EVPL: variants seen among roughly 807,000 people sequenced by gnomAD.
EVPL encodes the protein envoplakin.
In EVPL, 94 loss-of-function variants were observed where a neutral mutation model predicts 129.7. That is an observed-to-expected ratio of 0.72 (90% CI 0.61 to 0.86). The LOEUF (loss-of-function observed/expected upper bound fraction) is 0.86, where lower values mean the gene tolerates loss of function less well. Among genes scored for constraint, EVPL ranks in the 40% least tolerant of loss-of-function variants. The pLI is 0.00. For missense variants in EVPL, 2,625 were observed against 2,721.1 expected (o/e 0.96, Z 0.79); for synonymous variants, 1,172 against 1,191.1 (o/e 0.98, Z 0.33).
rs2066364019 is a variant in EVPL, at chr17:76,010,103, C to G, written c.3102G>C (p.Gln1034His). Residue 1034 changes from glutamine (Q) to histidine (H), a missense_variant, in exon 22 of 22, where the codon CAG (glutamine) becomes CAC (histidine). Around this residue, in one of 4 missense-constraint regions of EVPL, gnomAD observed 1,453 missense variants for 1,511.8 expected, o/e 0.96. Coordinates refer to ENST00000301607, the MANE Select transcript of EVPL (RefSeq NM_001988.4). ...GGAGCTGCTGGATCTGGATCCTGAG[C>G]TGGGCCGCCTGGCTGTCCAGGCCGG... is the stretch of plus-strand genomic sequence containing the variant. ...RDPGLDSQAA[Q>H]LRIQIQQLRG... is the part of the protein sequence containing the mutation. The G allele has an allele frequency of 6.2e-7, 1 of 1,614,002 alleles. No homozygotes were observed. The highest frequency in any genetic ancestry group is 1.3e-5 in the African/African-American group (1 of 75,068).
intron 17 of EVPL, 36 bp downstream of exon 17, chr17:76,014,880 G>A (rs1323292501): frequency 1.3e-6 from 2 of 1,551,586 alleles, no homozygotes; most frequent in Non-Finnish European, 1.7e-6. Flanking sequence ...CTCTGCACCA[G>A]CCCACACCCT....
chr17:76,015,726 G>T, intron 14 of EVPL, 98 bp from the exon 15 acceptor site: 2 of 1,280,686 alleles, frequency 1.6e-6, no homozygotes, highest in Non-Finnish European at 2.1e-6. Context: ...GCAGTAGAGT[G>T]TGGTGGGTAC....
In EVPL at chr17:76,017,605, A is replaced by G. The variant is rs979863934; in HGVS notation, c.1710+134T>C. Reference sequence around the variant, plus strand: ...GCCAGGAGGGGAACCAGCTTGTCTGAGCCCGGGTCTGTCCACACCCTTCTC... The same window carrying G: ...GCCAGGAGGGGAACCAGCTTGTCTGGGCCCGGGTCTGTCCACACCCTTCTC... On this transcript the variant is annotated intron_variant, in intron 14 of 21. Coordinates refer to ENST00000301607, the MANE Select transcript of EVPL (RefSeq NM_001988.4). 1.0e-4 allele frequency: 128 copies of G among 1,266,060 alleles called. No individual in the cohort carries two copies. The African/African-American group carries it at 1.8e-3, about 18-fold the overall frequency. The allele number at this position is 1,266,060 out of a possible 1,614,324, so 78.4% of individuals were successfully genotyped here. A position where few individuals can be genotyped will look rare whatever the true frequency, so the allele number is the denominator to read the frequency against.
Position 76,009,371 on chromosome 17 carries a change from G to T in EVPL, c.3834C>A (p.Asn1278Lys). The T allele has an allele frequency of 6.2e-7, 1 of 1,613,744 alleles. No individual in the cohort carries two copies. The highest frequency in any genetic ancestry group is 8.5e-7 in the Non-Finnish European group (1 of 1,180,006). Residue 1278 changes from asparagine to lysine, a missense_variant, in exon 22 of 22, where the codon AAC becomes AAA. Physicochemically the swap from Asn to Lys is moderately conservative, Grantham distance 94. Coordinates refer to ENST00000301607, the MANE Select transcript of EVPL (RefSeq NM_001988.4). This position sits in a 1 kb window ranked among gnomAD's most constrained non-coding sequence, Gnocchi z 5.9. ...AGCGCCCGTGGCTGTTGACGAGCTC[G>T]TTGAGCTGAGCCTTCAGGCGGTCGA... ...REIDRLKAQLNELVNSHGRSQ... is the reference protein window; with the variant it reads ...REIDRLKAQLKELVNSHGRSQ...
Position 76,011,363 on chromosome 17 carries a change from G to C in EVPL, c.2661+213C>G, listed in dbSNP as rs532815459. Among the ~76,000 whole-genome samples, 4 of 152,360 alleles carry C rather than the reference G, an allele frequency of 2.6e-5. No individual in the cohort carries two copies. The East Asian group carries it at 7.7e-4, about 29-fold the overall frequency. ...TGCCATCTCCAGGGCCTAACCCTGG[G>C]ATGGACACCAGCCTGTAAGAGCTGC... On this transcript the variant is annotated intron_variant, in intron 21 of 21. Transcript: ENST00000301607.
In EVPL at chr17:76,007,236, C is replaced by T. The variant is rs147426365; in HGVS notation, c.5969G>A (p.Arg1990Gln). The T allele has an allele frequency of 2.1e-4, 325 of 1,570,096 alleles. 1 individual carries two copies. The highest frequency in any genetic ancestry group is 2.5e-4 in the Non-Finnish European group (285 of 1,156,746). Residue 1990 changes from arginine to glutamine, a missense_variant, in exon 22 of 22, where the codon CGG (arginine) becomes CAG (glutamine). Physicochemically the swap from Arg to Gln is conservative, Grantham distance 43 (BLOSUM62 1). Around this residue, in one of 4 missense-constraint regions of EVPL, gnomAD observed 1,453 missense variants for 1,511.8 expected, o/e 0.96. Transcript: ENST00000301607. The surrounding 1 kb of genome is among the most constrained non-coding windows in gnomAD (Gnocchi z 8.8). ...KDLTDPISKE[R>Q]LSYKEAMGRC... ...GCCCATGGCCTCCTTGTAGCTCAGC[C>T]GTTCCTTGGAGATGGGGTCTGTCAA... is the stretch of plus-strand genomic sequence containing the variant.
chr17:76,023,078 C>A (rs547820287), intron 4 of EVPL, among the ~76,000 whole-genome samples: 1 of 152,100 alleles, frequency 6.6e-6, no homozygotes, highest in African/African-American at 2.4e-5. Flanking sequence ...TTCACCCTGG[C>A]CCAACTGAGC....
rs765121277 is a variant in EVPL, at chr17:76,010,492, C to T, written c.2713G>A (p.Glu905Lys). Residue 905 changes from glutamate (E) to lysine (K), a missense_variant, in exon 22 of 22, where the codon GAG becomes AAG. Physicochemically the swap from Glu to Lys is moderately conservative, Grantham distance 56. Around this residue, in one of 4 missense-constraint regions of EVPL, gnomAD observed 9 missense variants for 25.0 expected, o/e 0.36. Coordinates refer to ENST00000301607, the MANE Select transcript of EVPL (RefSeq NM_001988.4). ...RRTHDAKQGS[E>K]SPAQAGRESE... is the part of the protein sequence containing the mutation. ...TCTCTCCCTGCTTGGGCAGGGCTCT[C>T]GGAGCCCTGCTTTGCATCATGGGTC... The T allele has an allele frequency of 1.7e-5, 28 of 1,613,654 alleles. No individual in the cohort carries two copies. Among genetic ancestry groups the T allele is most frequent in the South Asian group, 4.4e-5 (4 of 91,064 alleles).
chr17:76,021,638 C>A (rs1555625504), intron 8 of EVPL, 36 bp downstream of exon 8: 4 of 1,567,308 alleles, frequency 2.6e-6, no homozygotes, highest in Non-Finnish European at 3.5e-6. Context: ...CCCCGCCCAC[C>A]ACGTCCCTTC....
At chr17:76,012,477 T>C (rs2066385340) in intron 18 of EVPL, among the ~76,000 whole-genome samples, 1 of 152,138 alleles carries the variant, frequency 6.6e-6, no homozygotes, top group South Asian at 2.1e-4. Flanking sequence ...ATATTTTTAG[T>C]AGAGATGGGG....
rs767127961 is a variant in EVPL at position 76,018,176 on chromosome 17, G to A, written c.1522C>T (p.Arg508Trp). Residue 508 changes from arginine to tryptophan, a missense_variant, in exon 13 of 22, where the codon CGG (arginine) becomes TGG (tryptophan). Coordinates refer to ENST00000301607, the MANE Select transcript of EVPL (RefSeq NM_001988.4). ...RLKASAVESLRPSQQAPSGSD... is the reference protein window; with the variant it reads ...RLKASAVESLWPSQQAPSGSD... ...CCCTGGGTACCCTGCTGGCTGGGCC[G>A]AAGAGACTCCACAGCACTGGCCTTC... 1.7e-5 allele frequency: 27 copies of A among 1,550,886 alleles called. No individual in the cohort carries two copies. Among genetic ancestry groups the A allele is most frequent in the South Asian group, 4.8e-5 (4 of 84,062 alleles).
rs372152002 is a variant in EVPL, at chr17:76,009,812, C to T, written c.3393G>A (p.Glu1131=). The change falls in exon 22 of 22, where the codon GAG becomes GAA. Residue 1131 remains glutamate, a synonymous_variant. Transcript: ENST00000301607. The surrounding 1 kb of genome is among the most constrained non-coding windows in gnomAD (Gnocchi z 5.9). ...EDLERAISSV[E]PKVIVKEVKK... ...TCACCTCCTTCACGATGACCTTGGG[C>T]TCCACCGAGCTGATAGCCCGCTCCA... 4.3e-6 allele frequency: 7 copies of T among 1,613,834 alleles called. No individual in the cohort carries two copies. Among genetic ancestry groups the T allele is most frequent in the Middle Eastern group, 1.6e-4 (1 of 6,084 alleles).
chr17:76,009,850 G>A lies in EVPL; in HGVS notation c.3355C>T (p.Arg1119Cys), dbSNP rs770411485. The change falls in exon 22 of 22, where the codon CGC becomes TGC. Residue 1119 changes from arginine to cysteine, a missense_variant. Coordinates refer to ENST00000301607, the MANE Select transcript of EVPL (RefSeq NM_001988.4). The surrounding 1 kb of genome is among the most constrained non-coding windows in gnomAD (Gnocchi z 5.9). Reference protein sequence around the residue: ...AEEAVAKLQARIEDLERAISS... With the variant: ...AEEAVAKLQACIEDLERAISS... ...ATAGCCCGCTCCAGGTCTTCGATGC[G>A]AGCCTGTAGCTTGGCCACAGCCTCC... 6.8e-6 allele frequency: 11 copies of A among 1,613,868 alleles called. No homozygotes were observed. The highest frequency in any genetic ancestry group is 5.0e-5 in the Admixed American group (3 of 59,992).
Position 76,015,376 on chromosome 17 carries a change from G to C in EVPL, c.1890-11C>G. On this transcript the variant is annotated splice_polypyrimidine_tract_variant and intron_variant, in intron 15 of 21. Coordinates refer to ENST00000301607, the MANE Select transcript of EVPL (RefSeq NM_001988.4). The stretch of plus-strand genomic sequence containing the variant: ...AGGGCAGCCTTGGCTCTGCCGCAGA[G>C]GAGGCAAGGCTCAGACACTCCCTGG... 6.2e-7 allele frequency: 1 copy of C among 1,603,338 alleles called. No homozygotes were observed. The highest frequency in any genetic ancestry group is 1.1e-5 in the South Asian group (1 of 90,414).
rs1421594344 is a variant in EVPL at position 76,018,233 on chromosome 17, T to C, written c.1465A>G (p.Lys489Glu). The C allele has an allele frequency of 6.5e-7, 1 of 1,549,198 alleles. No homozygotes were observed. Reference sequence around the variant, plus strand: ...CTCTGGACTGTGGCCAATTTCTGCTTCAGGGCCTGCAGCTCTGAGGCCAGC... The same window carrying C: ...CTCTGGACTGTGGCCAATTTCTGCTCCAGGGCCTGCAGCTCTGAGGCCAGC... ...SRLASELQAL[K>E]QKLATVQSRL... Residue 489 changes from lysine to glutamate, a missense_variant, in exon 13 of 22, where the codon AAG (lysine) becomes GAG (glutamate). Around this residue, in one of 4 missense-constraint regions of EVPL, gnomAD observed 1,024 missense variants for 997.5 expected, o/e 1.03. Transcript: ENST00000301607.
intron 12 of EVPL, 22 bp downstream of exon 12, chr17:76,018,424 G>A (rs2066433276): frequency 6.2e-7 from 1 of 1,603,912 alleles, no homozygotes; most frequent in Non-Finnish European, 8.5e-7. Context: ...GCCTGCCCCT[G>A]AGTATCCCTA....
chr17:76,014,144 T>G (rs2066398849), intron 18 of EVPL, among the ~76,000 whole-genome samples: 1 of 152,130 alleles, frequency 6.6e-6, no homozygotes, highest in South Asian at 2.1e-4. Flanking sequence ...TGTACCCCAG[T>G]GAACACATTG....
intron 21 of EVPL, 135 bp from the exon 22 acceptor site, chr17:76,010,678 A>C: frequency 1.1e-6 from 1 of 932,080 alleles, no homozygotes; most frequent in Non-Finnish European, 1.6e-6. Flanking sequence ...TGAAGACCTA[A>C]GATGCTTGGA....
intron 9 of EVPL, among the ~76,000 whole-genome samples, chr17:76,020,771 G>A (rs1428563739): frequency 6.6e-6 from 1 of 151,960 alleles, no homozygotes; most frequent in Non-Finnish European, 1.5e-5. Flanking sequence ...TGCCCAGGCT[G>A]GTCTGGAACT....
Sources: gnomAD v4.1 joint callset for allele counts (sites outside exome capture counted in the v4.1 genomes callset) on GRCh38, gnomAD v4.1.1 for gene constraint, gnomAD v4.1.1 regional missense constraint, Gnocchi (gnomAD v3.1) non-coding constraint, MANE v1.5 for transcripts, NCBI Gene and HGNC (gene_info 2026-07-23, HGNC 2026-07-21) for gene names.